PDE11A: variants seen among roughly 807,000 people sequenced by gnomAD.
PDE11A encodes phosphodiesterase 11A, also known as dual 3',5'-cyclic-AMP and -GMP phosphodiesterase 11A.
Under a neutral mutation model 100.5 loss-of-function variants are expected in PDE11A, and 100 were observed. The ratio of observed to expected loss-of-function variants is 1.00; its 90% CI spans 0.85 to 1.18. The LOEUF (loss-of-function observed/expected upper bound fraction) is 1.18. Ranked by LOEUF, PDE11A falls within the 50% of genes most tolerant of loss-of-function variation. PDE11A has a pLI of 0.00. For synonymous variants in PDE11A, 381 were observed against 420.8 expected (o/e 0.91, Z 1.16); for missense variants, 1,141 against 1,152.6 (o/e 0.99, Z 0.15).
At chr2:177,889,140 G>A (rs2084488310) in intron 4 of PDE11A, among the ~76,000 whole-genome samples, 1 of 152,086 alleles carries the variant, frequency 6.6e-6, no homozygotes, top group East Asian at 1.9e-4. Context: ...TCTGCAACTT[G>A]TGTAATTGTC....
chr2:177,887,228 G>T (rs763459808), intron 4 of PDE11A, among the ~76,000 whole-genome samples: 2 of 152,134 alleles, frequency 1.3e-5, no homozygotes, highest in African/African-American at 2.4e-5. Context: ...CAAATCAGCT[G>T]CAATCCCAAA....
chr2:177,835,958 T>C (rs1325499060), intron 6 of PDE11A, among the ~76,000 whole-genome samples: 1 of 152,132 alleles, frequency 6.6e-6, no homozygotes, highest in Non-Finnish European at 1.5e-5. Context: ...GCCTCCCCAC[T>C]GCCGTGGGCT....
intron 18 of PDE11A, among the ~76,000 whole-genome samples, chr2:177,664,922 A>C (rs1318563242): frequency 6.6e-6 from 1 of 152,128 alleles, no homozygotes; most frequent in Non-Finnish European, 1.5e-5. Context: ...TGGTCCAGAG[A>C]TGTAGGAAAA....
chr2:177,734,447 G>A (rs1479045077), intron 10 of PDE11A, among the ~76,000 whole-genome samples: 1 of 151,954 alleles, frequency 6.6e-6, no homozygotes, highest in African/African-American at 2.4e-5. Flanking sequence ...CACTATGATC[G>A]CGCCTGTGAA....
At chr2:177,865,358 T>G (rs775736632) in intron 5 of PDE11A, among the ~76,000 whole-genome samples, 5 of 151,984 alleles carry the variant, frequency 3.3e-5, no homozygotes, top group Non-Finnish European at 7.4e-5. Flanking sequence ...AAGAAAGAAA[T>G]AAAAATAAGG....
At chr2:177,788,737 A>G (rs187719353) in intron 9 of PDE11A, among the ~76,000 whole-genome samples, 1 of 152,350 alleles carries the variant, frequency 6.6e-6, no homozygotes, top group East Asian at 1.9e-4. Context: ...AATTCAAACT[A>G]CCATCAGAGA....
intron 12 of PDE11A, among the ~76,000 whole-genome samples, chr2:177,722,099 A>G (rs892707158): frequency 1.3e-5 from 2 of 152,144 alleles, no homozygotes; most frequent in Non-Finnish European, 2.9e-5. Context: ...TAAGCAGTTT[A>G]CCAACATCAT....
chr2:177,894,715 G>GTTAA (rs1014182384), intron 4 of PDE11A, among the ~76,000 whole-genome samples: 1 of 152,136 alleles, frequency 6.6e-6, no homozygotes, highest in Non-Finnish European at 1.5e-5. Flanking sequence ...TAAGGCAAGG[G>GTTAA]TTAAGTCATT....
intron 5 of PDE11A, among the ~76,000 whole-genome samples, chr2:177,858,451 T>C (rs1435309049): frequency 6.7e-6 from 1 of 148,724 alleles, no homozygotes; most frequent in Admixed American, 6.7e-5. Flanking sequence ...GAACAGACAC[T>C]TCTCAAAGGA....
Position 177,671,329 on chromosome 2 carries a change from C to T in PDE11A, c.2488-1762G>A, listed in dbSNP as rs535607604. ...TGGTACTTAAAAACCCAATCAGGAA[C>T]ATTAAGTGGTTACTGATTGAATTTT... On this transcript the variant is annotated intron_variant, in intron 17 of 19. Coordinates refer to ENST00000286063, the MANE Select transcript of PDE11A (RefSeq NM_016953.4). Among the ~76,000 whole-genome samples the T allele has an allele frequency of 2.5e-4, 38 of 152,198 alleles. 1 individual carries two copies. The South Asian group carries it at 7.9e-3, about 32-fold the overall frequency.
chr2:177,764,525 C>T (rs2082213410), intron 10 of PDE11A, among the ~76,000 whole-genome samples: 1 of 152,228 alleles, frequency 6.6e-6, no homozygotes, highest in Admixed American at 6.5e-5. Context: ...CATAAAATTA[C>T]AGGAGCATAT....
intron 2 of PDE11A, among the ~76,000 whole-genome samples, chr2:177,967,182 T>C (rs2085708863): frequency 6.7e-6 from 1 of 149,712 alleles, no homozygotes; most frequent in African/African-American, 2.5e-5. Context: ...ATGGGATTGG[T>C]GGTAATGTCT....
At chr2:177,920,076 G>A (rs917217810) in intron 2 of PDE11A, among the ~76,000 whole-genome samples, 15 of 151,876 alleles carry the variant, frequency 9.9e-5, no homozygotes, top group African/African-American at 3.6e-4. Flanking sequence ...AAAAGCCCAG[G>A]GAAATTAAAG....
intron 9 of PDE11A, among the ~76,000 whole-genome samples, chr2:177,803,083 TAAC>T (rs2082816807): frequency 1.3e-5 from 2 of 151,706 alleles, no homozygotes; most frequent in African/African-American, 2.4e-5. Flanking sequence ...AAAAAAAAGA[TAAC>T]AAATAATTTT....
chr2:177,788,636 T>C (rs1279717783), intron 9 of PDE11A, among the ~76,000 whole-genome samples: 8 of 151,686 alleles, frequency 5.3e-5, no homozygotes, highest in Non-Finnish European at 7.4e-5. Flanking sequence ...ATTGATAGAC[T>C]GCTAGCAAGA....
intron 3 of PDE11A, among the ~76,000 whole-genome samples, chr2:177,902,995 T>C (rs1289084186): frequency 6.6e-6 from 1 of 152,232 alleles, no homozygotes; most frequent in Non-Finnish European, 1.5e-5. Flanking sequence ...TAAGTCAGAC[T>C]CAGCTCAAAA....
intron 2 of PDE11A, chr2:177,926,874 T>G (rs370929046): frequency 1.3e-5 from 2 of 152,168 alleles, no homozygotes; most frequent in African/African-American, 4.8e-5. Flanking sequence ...ACTCCACATC[T>G]GCAAATCCTA....
intron 2 of PDE11A, among the ~76,000 whole-genome samples, chr2:177,945,975 G>C (rs113631822): frequency 7.3e-6 from 1 of 136,314 alleles, no homozygotes; most frequent in Non-Finnish European, 1.6e-5. Flanking sequence ...CCCTCAGCCC[G>C]GCCAGCCACC....
chr2:178,058,148 G>A (rs921572236), intron 1 of PDE11A, among the ~76,000 whole-genome samples: 7 of 152,076 alleles, frequency 4.6e-5, no homozygotes, highest in South Asian at 2.1e-4. Flanking sequence ...GAGCCACTGC[G>A]CCTGGCCCCT....
Sources: allele counts gnomAD v4.1 joint callset (sites outside exome capture counted in the v4.1 genomes callset), GRCh38; gene constraint gnomAD v4.1.1; transcripts MANE v1.5; gene names NCBI Gene and HGNC (gene_info 2026-07-23, HGNC 2026-07-21).